ARHGEF18: variants seen among roughly 807,000 people sequenced by gnomAD.
ARHGEF18 encodes Rho/Rac guanine nucleotide exchange factor 18.
Under a neutral mutation model 155.7 loss-of-function variants are expected in ARHGEF18, and 93 were observed. The observed-to-expected ratio is 0.60, with a 90% CI of 0.50 to 0.71. The LOEUF (loss-of-function observed/expected upper bound fraction) is 0.71. ARHGEF18 is among the 30% of genes least tolerant of loss of function. The probability of loss-of-function intolerance (pLI) is 0.00; values close to 1 mark genes in which losing one functional copy is unlikely to be tolerated. For missense variants in ARHGEF18, 1,593 were observed against 1,816.1 expected (o/e 0.88, Z 2.23); for synonymous variants, 742 against 753.1 (o/e 0.99, Z 0.24).
intron 10 of ARHGEF18, among the ~76,000 whole-genome samples, chr19:7,404,425 G>A (rs929152411): frequency 6.7e-6 from 1 of 150,092 alleles, no homozygotes; most frequent in Non-Finnish European, 1.5e-5. Flanking sequence ...AAGCAAACCC[G>A]CTCTGTGAGG....
At chr19:7,469,548 G>T (rs1412625716) in intron 27 of ARHGEF18, among the ~76,000 whole-genome samples, 2 of 152,198 alleles carry the variant, frequency 1.3e-5, no homozygotes, top group East Asian at 3.9e-4. Flanking sequence ...TTCCACGGAG[G>T]ATGTCCAGGA....
chr19:7,398,998 A>G (rs1971882670), intron 10 of ARHGEF18, among the ~76,000 whole-genome samples: 1 of 152,232 alleles, frequency 6.6e-6, no homozygotes, highest in Admixed American at 6.6e-5. Flanking sequence ...ATCCTGGGTC[A>G]TGTTTCTATC....
rs768856746 is a variant in ARHGEF18 at position 7,377,389 on chromosome 19, CTCTT to C, written c.541+638_541+641del. Among the ~76,000 whole-genome samples the C allele has an allele frequency of 5.3e-5, 8 of 150,500 alleles. No individual in the cohort carries two copies. The South Asian group carries it at 8.3e-4, about 16-fold the overall frequency. Reference sequence around the variant, plus strand: ...CCCAGCATTCTGACTATTTCTTTATCTCTTTCTTTATCTCTGAATTTTTATCCTG... The same window carrying C: ...CCCAGCATTCTGACTATTTCTTTATCTCTTTATCTCTGAATTTTTATCCTG... On this transcript the variant is annotated intron_variant, in intron 5 of 28. Coordinates refer to ENST00000668164, the MANE Select transcript of ARHGEF18 (RefSeq NM_001367823.1).
intron 1 of ARHGEF18, among the ~76,000 whole-genome samples, chr19:7,356,861 G>T (rs74686857): frequency 0.014 from 2,196 of 152,204 alleles, 22 homozygotes; most frequent in Middle Eastern, 0.037. Context: ...TGAAAGAGGG[G>T]GCCAATGTGA....
At chr19:7,368,532 G>C (rs2145381509) in intron 2 of ARHGEF18, among the ~76,000 whole-genome samples, 1 of 152,216 alleles carries the variant, frequency 6.6e-6, no homozygotes, top group East Asian at 1.9e-4. Flanking sequence ...CTACCAGTGG[G>C]AGCTGGAACA....
chr19:7,431,292 G>A (rs1321331588), intron 10 of ARHGEF18, among the ~76,000 whole-genome samples: 1 of 152,018 alleles, frequency 6.6e-6, no homozygotes, highest in Admixed American at 6.6e-5. Context: ...CGAGGTGGGC[G>A]GATCACTTGA....
intron 19 of ARHGEF18, 85 bp from the exon 20 acceptor site, chr19:7,459,818 G>C: frequency 8.8e-7 from 1 of 1,136,988 alleles, no homozygotes; most frequent in South Asian, 1.5e-5. Context: ...GACGGTCGTG[G>C]CGGCTGGTTC....
At chr19:7,423,856 G>C (rs912533621) in intron 10 of ARHGEF18, among the ~76,000 whole-genome samples, 1 of 151,988 alleles carries the variant, frequency 6.6e-6, no homozygotes, top group Non-Finnish European at 1.5e-5. Context: ...GGAAACAGAG[G>C]AAGTCGATCT....
rs878965650 is a variant in ARHGEF18, at chr19:7,379,041, G to A, written c.600-81G>A. ...GCATCAGGACCTGAGGCCTGCTTGGGCAACCCCAGCTTATCTAGGGGAGAG... is the reference window on the plus strand; with the variant it reads ...GCATCAGGACCTGAGGCCTGCTTGGACAACCCCAGCTTATCTAGGGGAGAG... On this transcript the variant is annotated intron_variant, in intron 6 of 28. Transcript: ENST00000668164. 1.8e-5 allele frequency: 22 copies of A among 1,201,104 alleles called. No homozygotes were observed. The South Asian group carries it at 4.6e-4, about 25-fold the overall frequency. 74.4% of individuals were successfully genotyped at this position (1,201,104 alleles called of 1,614,324 possible).
At chr19:7,371,124 C>A (rs925733742) in intron 2 of ARHGEF18, among the ~76,000 whole-genome samples, 2 of 151,952 alleles carry the variant, frequency 1.3e-5, no homozygotes, top group South Asian at 2.1e-4. Context: ...GTTGTCCAGG[C>A]GGGTCTCAAA....
At chr19:7,380,767 T>C (rs141672031) in intron 7 of ARHGEF18, 150 bp from the exon 8 acceptor site, 4,615 of 414,752 alleles carry the variant, frequency 0.011, 40 homozygotes, top group Non-Finnish European at 0.015. Flanking sequence ...GGAAAACCTG[T>C]CATAATGTCT....
intron 6 of ARHGEF18, 109 bp from the exon 7 acceptor site, chr19:7,379,013 T>A (rs1970599324): frequency 1.1e-6 from 1 of 941,272 alleles, no homozygotes; most frequent in East Asian, 3.4e-5. Context: ...TTGAGTAGGG[T>A]CTGCATCAGG....
At chr19:7,424,520 C>T (rs191937758) in intron 10 of ARHGEF18, among the ~76,000 whole-genome samples, 8 of 152,184 alleles carry the variant, frequency 5.3e-5, no homozygotes, top group Admixed American at 2.0e-4. Context: ...ACGATTAAAG[C>T]GATACTTACA....
At chr19:7,417,073 G>A (rs557568560) in intron 10 of ARHGEF18, among the ~76,000 whole-genome samples, 18 of 152,022 alleles carry the variant, frequency 1.2e-4, no homozygotes, top group African/African-American at 3.9e-4. Context: ...CCACACCTGC[G>A]TAATTTTTGT....
chr19:7,363,538 T>C (rs1030094146), intron 2 of ARHGEF18, among the ~76,000 whole-genome samples: 3 of 148,884 alleles, frequency 2.0e-5, no homozygotes, highest in Non-Finnish European at 4.5e-5. Context: ...GGAAGAAAGA[T>C]GAGAAATGTG....
intron 10 of ARHGEF18, among the ~76,000 whole-genome samples, chr19:7,409,742 T>C (rs1161363656): frequency 6.7e-6 from 1 of 149,638 alleles, no homozygotes; most frequent in Non-Finnish European, 1.5e-5. Flanking sequence ...GCGCCTGGCC[T>C]GTGAGGGGTT....
chr19:7,478,260 CCCACG>C, the ARHGEF18 span: 17 of 1,579,074 alleles, frequency 1.1e-5, no homozygotes, highest in Non-Finnish European at 1.2e-5. Context: ...GAGCCGGGAT[CCCACG>C]CCTGCTGGAG....
At chr19:7,350,331 G>T (rs998545773) in intron 1 of ARHGEF18, among the ~76,000 whole-genome samples, 1 of 152,150 alleles carries the variant, frequency 6.6e-6, no homozygotes, top group Non-Finnish European at 1.5e-5. Flanking sequence ...GACGCTGGGG[G>T]CTGATGCTCC....
chr19:7,419,715 T>TG, intron 10 of ARHGEF18, among the ~76,000 whole-genome samples: 1 of 152,186 alleles, frequency 6.6e-6, no homozygotes, highest in East Asian at 1.9e-4. Context: ...AGCACTGAGT[T>TG]GCGTAGGGTG....
Sources: gnomAD v4.1 joint callset for allele counts (sites outside exome capture counted in the v4.1 genomes callset) on GRCh38, gnomAD v4.1.1 for gene constraint, MANE v1.5 for transcripts, NCBI Gene and HGNC (gene_info 2026-07-23, HGNC 2026-07-21) for gene names.